VCX: variants seen among roughly 807,000 people sequenced by gnomAD.
VCX encodes the protein variable charge X-linked.
For missense variants in VCX, 45 were observed against 171.8 expected (o/e 0.26, Z 4.13); for synonymous variants, 17 against 79.4 (o/e 0.21, Z 4.18).
Position 7,843,748 on chromosome X carries a change from G to C in VCX, c.353G>C (p.Ser118Thr), listed in dbSNP as rs777259201. 1.8e-6 allele frequency: 2 copies of C among 1,109,004 alleles called. No homozygotes were observed. The highest frequency in any genetic ancestry group is 5.1e-5 in the Admixed American group (2 of 39,519). The allele number at this position is 1,109,004 out of a possible 1,213,427, so 91.4% of individuals were successfully genotyped here. ...AELEEPLSQE[S>T]EVEEPLSQES... The stretch of plus-strand genomic sequence containing the variant: ...CTGGAGGAACCACTGAGTCAGGAGA[G>C]CGAGGTGGAAGAACCACTGAGTCAG... The change falls in exon 2 of 2, where the codon AGC (serine) becomes ACC (threonine). Residue 118 changes from serine to threonine, a missense_variant. Physicochemically the swap from Ser to Thr is moderately conservative, Grantham distance 58. Coordinates refer to ENST00000688183, the MANE Select transcript of VCX (RefSeq NM_001393662.1).
upstream of VCX, chrX:7,842,811 C>T: frequency 1.8e-5 from 5 of 273,729 alleles, no homozygotes; most frequent in South Asian, 5.3e-5. Context: ...AATGGGAGGT[C>T]CGGGGGAAAC....
upstream of VCX, chrX:7,842,922 G>A (rs751029495): frequency 0.013 from 3,998 of 301,248 alleles, 16 homozygotes; most frequent in Non-Finnish European, 0.019. Context: ...CTTTAGGGGT[G>A]CTAACCCAAA....
Position 7,843,680 on chromosome X carries a change from G to C in VCX, c.285G>C (p.Val95=). ...PQHELPPEEP[V]SEGTQHDPLS... is the part of the protein sequence containing the mutation. ...ACGAGCTGCCGCCGGAGGAGCCAGT[G>C]AGCGAGGGGACCCAGCACGACCCCC... The change falls in exon 2 of 2, where the codon GTG becomes GTC. Residue 95 remains valine, a synonymous_variant. Coordinates refer to ENST00000688183, the MANE Select transcript of VCX (RefSeq NM_001393662.1). 8.9e-7 allele frequency: 1 copy of C among 1,119,122 alleles called. No individual in the cohort carries two copies. The highest frequency in any genetic ancestry group is 1.2e-6 in the Non-Finnish European group (1 of 837,222). 92.2% of individuals were successfully genotyped at this position (1,119,122 alleles called of 1,213,427 possible). A position where few individuals can be genotyped will look rare whatever the true frequency, so the allele number is the denominator to read the frequency against.
upstream of VCX, chrX:7,842,992 C>CCCCCCCCCCCCCCCA: frequency 1.8e-5 from 1 of 56,810 alleles, no homozygotes; most frequent in Admixed American, 1.8e-4. Flanking sequence ...CCCCCCCCCG[C>CCCCCCCCCCCCCCCA]CCCCGACTTC....
At chrX:7,842,368 A>G (rs1274441057), upstream of VCX, 2 of 91,890 alleles carry the variant, frequency 2.2e-5, no homozygotes, top group African/African-American at 8.0e-5. Flanking sequence ...GAGAGGGATG[A>G]TTGATTGACG....
rs1555908466 is a variant in VCX, at chrX:7,843,840, C to CG, written c.445_446insG (p.Gln149ArgfsTer?). Reference sequence around the variant, plus strand: ...GGAAGAACCACTGAGTCAGGAGAGCCAGGTGGAGGAACCACTGAGTCAGGA... The same window carrying CG: ...GGAAGAACCACTGAGTCAGGAGAGCCGAGGTGGAGGAACCACTGAGTCAGGA... On this transcript the variant is annotated frameshift_variant, in exon 2 of 2. Coordinates refer to ENST00000688183, the MANE Select transcript of VCX (RefSeq NM_001393662.1). LOFTEE classifies it low-confidence loss of function (END_TRUNC). 1 of 837,303 alleles carries CG rather than the reference C, an allele frequency of 1.2e-6. No homozygotes were observed. Among genetic ancestry groups the CG allele is most frequent in the Non-Finnish European group, 1.6e-6 (1 of 607,564 alleles). The allele number at this position is 837,303 out of a possible 1,213,427, so 69.0% of individuals were successfully genotyped here.
At chrX:7,842,985 C>CG (rs1983511280), upstream of VCX, 1 of 46,066 alleles carries the variant, frequency 2.2e-5, no homozygotes, top group African/African-American at 9.3e-5. Flanking sequence ...TGTCACCCCC[C>CG]CCCCCGCCCC....
rs1569092912 is a variant in VCX, at chrX:7,843,809, CGAGGTGGAAGAA to C, written c.415_426del (p.Glu139_Glu142del). On this transcript the variant is annotated inframe_deletion, in exon 2 of 2. Transcript: ENST00000688183. ...TGGAGGAACCACTGAGTCAGGAGAG[CGAGGTGGAAGAA>C]CCACTGAGTCAGGAGAGCCAGGTGG... The C allele has an allele frequency of 6.2e-6, 5 of 810,121 alleles. No individual in the cohort carries two copies. Among genetic ancestry groups the C allele is most frequent in the Non-Finnish European group, 8.5e-6 (5 of 589,014 alleles). The allele number at this position is 810,121 out of a possible 1,213,427, so 66.8% of individuals were successfully genotyped here. A position where few individuals can be genotyped will look rare whatever the true frequency, so the allele number is the denominator to read the frequency against.
chrX:7,843,349 C>G, intron 1 of VCX, 44 bp downstream of exon 1: 1 of 1,197,361 alleles, frequency 8.4e-7, no homozygotes, highest in East Asian at 3.0e-5. Context: ...CCCTCGCCTC[C>G]TTCCTCACAA....
In VCX at chrX:7,843,185, A is replaced by G. The variant is rs754752852; in HGVS notation, c.-19A>G. The G allele has an allele frequency of 3.4e-6, 4 of 1,167,293 alleles. No individual in the cohort carries two copies. The highest frequency in any genetic ancestry group is 4.6e-6 in the Non-Finnish European group (4 of 866,122). ...AGCCTGGAGTTAGCCGACCGTTGCG[A>G]GACGTTGAGCTGCGGAAGATGAGTC... On this transcript the variant is annotated 5_prime_UTR_variant, in exon 1 of 2. Coordinates refer to ENST00000688183, the MANE Select transcript of VCX (RefSeq NM_001393662.1).
In VCX at chrX:7,844,062, G is replaced by T. The variant is rs757201357; in HGVS notation, c.*46G>T. 8.9e-7 allele frequency: 1 copy of T among 1,129,130 alleles called. No individual in the cohort carries two copies. Among genetic ancestry groups the T allele is most frequent in the African/African-American group, 2.1e-5 (1 of 46,523 alleles). The allele number at this position is 1,129,130 out of a possible 1,213,427, so 93.1% of individuals were successfully genotyped here. ...CTCCGAGAGCAGCGACTAAGTTCAG[G>T]CCCAGCCGCCAGACCTCAGAGATCT... On this transcript the variant is annotated 3_prime_UTR_variant, in exon 2 of 2. Transcript: ENST00000688183.
rs149701617 is a variant in VCX, at chrX:7,843,870, G to A, written c.475G>A (p.Glu159Lys). The change falls in exon 2 of 2, where the codon GAG (glutamate) becomes AAG (lysine). Residue 159 changes from glutamate to lysine, a missense_variant. Physicochemically the swap from Glu to Lys is moderately conservative, Grantham distance 56. Coordinates refer to ENST00000688183, the MANE Select transcript of VCX (RefSeq NM_001393662.1). ...GGAGGAACCACTGAGTCAGGAGAGC[G>A]AGGTGGAGGAACCACTGAGTCAGGA... The part of the protein sequence containing the change: ...QVEEPLSQES[E>K]VEEPLSQESQ... 5.5e-4 allele frequency: 567 copies of A among 1,030,029 alleles called. 6 individuals are homozygous for A. The highest frequency in any genetic ancestry group is 6.9e-4 in the Admixed American group (26 of 37,601). 84.9% of individuals were successfully genotyped at this position (1,030,029 alleles called of 1,213,427 possible).
At position 7,843,976 on chromosome X, in the gene VCX, C is replaced by CAGGAGAGTGAGATGGAAGAACCACT. The variant is rs1922517960; in HGVS notation, c.581_582insAGGAGAGTGAGATGGAAGAACCACT (p.Ser195GlyfsTer3). Reference sequence around the variant, plus strand: ...CAGGAGAGCCAGGTGGAGGAACCACCGAGTCAGGAGAGCGAGATGGAAGAA... The same window carrying CAGGAGAGTGAGATGGAAGAACCACT: ...CAGGAGAGCCAGGTGGAGGAACCACCAGGAGAGTGAGATGGAAGAACCACTGAGTCAGGAGAGCGAGATGGAAGAA... On this transcript the variant is annotated stop_gained and frameshift_variant, in exon 2 of 2. Coordinates refer to ENST00000688183, the MANE Select transcript of VCX (RefSeq NM_001393662.1). LOFTEE classifies it high-confidence loss of function. 7 of 583,640 alleles carry CAGGAGAGTGAGATGGAAGAACCACT rather than the reference C, an allele frequency of 1.2e-5. No homozygotes were observed. In the South Asian group the frequency reaches 1.8e-4, roughly 15 times the overall value. The allele number at this position is 583,640 out of a possible 1,213,427, so 48.1% of individuals were successfully genotyped here. A position where few individuals can be genotyped will look rare whatever the true frequency, so the allele number is the denominator to read the frequency against.
chrX:7,842,979 ACC>A (rs746326926), upstream of VCX: 265 of 21,856 alleles, frequency 0.012, 6 homozygotes, highest in African/African-American at 0.048. Context: ...ATTAGATGTC[ACC>A]CCCCCCCCCG....
upstream of VCX, chrX:7,842,953 G>A (rs1451622768): frequency 3.5e-6 from 1 of 282,311 alleles, no homozygotes; most frequent in Non-Finnish European, 5.9e-6. Context: ...TCCAATTAGA[G>A]CACCCTGCCT....
chrX:7,842,982 C>CCA (rs1922415719), upstream of VCX: 2 of 33,453 alleles, frequency 6.0e-5, no homozygotes, highest in African/African-American at 2.9e-4. Context: ...AGATGTCACC[C>CCA]CCCCCCCCGC....
At chrX:7,842,733 G>A (rs1483631326), upstream of VCX, 1 of 196,603 alleles carries the variant, frequency 5.1e-6, no homozygotes, top group East Asian at 1.4e-4. Flanking sequence ...TAGCATGGAG[G>A]GATTTTAGGT....
upstream of VCX, chrX:7,842,390 T>A (rs1414013379): frequency 2.1e-5 from 2 of 95,152 alleles, no homozygotes; most frequent in Non-Finnish European, 4.2e-5. Context: ...CTTTTTTTTT[T>A]TTTTTTTTTT....
At chrX:7,843,076 AG>A, upstream of VCX, 1 of 687,316 alleles carries the variant, frequency 1.5e-6, no homozygotes, top group Non-Finnish European at 2.1e-6. Flanking sequence ...TTGGCTGGGT[AG>A]TGGAGTGTTG....
Sources: gnomAD v4.1 joint callset for allele counts on GRCh38, gnomAD v4.1.1 for gene constraint, MANE v1.5 for transcripts, NCBI Gene and HGNC (gene_info 2026-07-23, HGNC 2026-07-21) for gene names.